The following SRCIN1 variants were observed in gnomAD, a reference collection of about 807,000 sequenced individuals.
SRCIN1 encodes the protein P130Cas-associated protein.
In SRCIN1, 50 loss-of-function variants were observed where a neutral mutation model predicts 116.2. The observed-to-expected ratio is 0.43, with a 90% CI of 0.34 to 0.54. SRCIN1 has a LOEUF of 0.54. SRCIN1 is among the 20% of genes least tolerant of loss of function. The probability of loss-of-function intolerance (pLI) is 0.02; values close to 1 mark genes in which losing one functional copy is unlikely to be tolerated. For missense variants in SRCIN1, 1,446 were observed against 1,672.0 expected, an observed-to-expected ratio of 0.86 and a Z score of 2.36; for synonymous variants, 736 against 750.0, an observed-to-expected ratio of 0.98 and a Z score of 0.30.
Position 38,561,525 on chromosome 17 carries a change from C to A in SRCIN1, c.1638G>T (p.Gly546=). The part of the protein sequence containing the change: ...AGAPPSELFP[G]PGERSLVGFG... Reference sequence around the variant, plus strand: ...ACCCAACCAGCGAGCGTTCCCCAGGCCCAGGGAAGAGCTCCGAAGGGGGAG... The same window carrying A: ...ACCCAACCAGCGAGCGTTCCCCAGGACCAGGGAAGAGCTCCGAAGGGGGAG... Residue 546 remains glycine (G), a synonymous_variant, in exon 7 of 19, where the codon GGG becomes GGT. Transcript: ENST00000617146. 6.3e-7 allele frequency: 1 copy of A among 1,598,776 alleles called. No homozygotes were observed.
intron 18 of SRCIN1, among the ~76,000 whole-genome samples, chr17:38,535,900 G>A (rs942255095): frequency 1.3e-5 from 2 of 152,146 alleles, no homozygotes; most frequent in African/African-American, 2.4e-5. Flanking sequence ...GATCTTTCTA[G>A]GTAAAAGCTG....
At position 38,578,700 on chromosome 17, in the gene SRCIN1, G is replaced by GCCC; in HGVS notation, c.111_113dup (p.Gly38dup). On this transcript the variant is annotated inframe_insertion, in exon 2 of 19. Transcript: ENST00000617146. ...CGTTGGAGAAGCGCCGGCCCCCGCT[G>GCCC]CCCCCGCCGCCCCCGCCCCCCAGGG... The GCCC allele has an allele frequency of 6.5e-7, 1 of 1,532,078 alleles. No homozygotes were observed. Among genetic ancestry groups the GCCC allele is most frequent in the Non-Finnish European group, 8.8e-7 (1 of 1,140,528 alleles). The allele number at this position is 1,532,078 out of a possible 1,614,324, so 94.9% of individuals were successfully genotyped here. A position where few individuals can be genotyped will look rare whatever the true frequency, so the allele number is the denominator to read the frequency against.
At chr17:38,577,924 G>A (rs1567875614) in intron 2 of SRCIN1, among the ~76,000 whole-genome samples, 1 of 152,148 alleles carries the variant, frequency 6.6e-6, no homozygotes, top group Non-Finnish European at 1.5e-5. Context: ...CCAGCTCCAA[G>A]TCACCCAGCA....
At chr17:38,545,688 GT>G (rs1210980528) in intron 17 of SRCIN1, among the ~76,000 whole-genome samples, 1 of 152,184 alleles carries the variant, frequency 6.6e-6, no homozygotes, top group African/African-American at 2.4e-5. Context: ...AAAGGTGCCG[GT>G]TTGGCCAGGG....
Position 38,562,399 on chromosome 17 carries a change from C to A in SRCIN1, c.835-71G>T. On this transcript the variant is annotated intron_variant, in intron 6 of 18. Coordinates refer to ENST00000617146, the MANE Select transcript of SRCIN1 (RefSeq NM_025248.3). The surrounding 1 kb of genome is among the most constrained non-coding windows in gnomAD (Gnocchi z 4.2). Reference sequence around the variant, plus strand: ...ACACCCCTGTCCCTTGCTTGAGGAGCCAGCATCTCCTCCCTGACGCTTAGG... The same window carrying A: ...ACACCCCTGTCCCTTGCTTGAGGAGACAGCATCTCCTCCCTGACGCTTAGG... 1 of 1,369,792 alleles carries A rather than the reference C, an allele frequency of 7.3e-7. No individual in the cohort carries two copies. The highest frequency in any genetic ancestry group is 9.4e-7 in the Non-Finnish European group (1 of 1,062,232). The allele number at this position is 1,369,792 out of a possible 1,614,324, so 84.9% of individuals were successfully genotyped here. A position where few individuals can be genotyped will look rare whatever the true frequency, so the allele number is the denominator to read the frequency against.
intron 2 of SRCIN1, among the ~76,000 whole-genome samples, chr17:38,577,382 A>G (rs1203391454): frequency 6.6e-6 from 1 of 152,204 alleles, no homozygotes; most frequent in Admixed American, 6.5e-5. Flanking sequence ...AGGACTTCAG[A>G]GCTGGGAAAA....
At chr17:38,534,849 CG>C (rs1013112222) in intron 18 of SRCIN1, among the ~76,000 whole-genome samples, 1 of 152,142 alleles carries the variant, frequency 6.6e-6, no homozygotes, top group African/African-American at 2.4e-5. Context: ...AAACAAGGGC[CG>C]GGTGTGGTGG....
At chr17:38,536,280 T>C (rs559692742) in intron 18 of SRCIN1, among the ~76,000 whole-genome samples, 2 of 152,376 alleles carry the variant, frequency 1.3e-5, no homozygotes, top group South Asian at 4.1e-4. Flanking sequence ...GACCCCAGCC[T>C]GTGCTGCTAA....
rs766752460 is a variant in SRCIN1 at position 38,548,720 on chromosome 17, C to A, written c.3118-11G>T. Reference sequence around the variant, plus strand: ...CTCGGACTCAGCCTTCTGCAAGGCCCGGGACTCCTGTCAAGGCCAGGCTCT... The same window carrying A: ...CTCGGACTCAGCCTTCTGCAAGGCCAGGGACTCCTGTCAAGGCCAGGCTCT... On this transcript the variant is annotated splice_polypyrimidine_tract_variant and intron_variant, in intron 16 of 18. Transcript: ENST00000617146. The A allele has an allele frequency of 1.3e-6, 2 of 1,580,142 alleles. No homozygotes were observed. The highest frequency in any genetic ancestry group is 1.3e-5 in the African/African-American group (1 of 74,292).
chr17:38,537,108 G>A (rs1904433204), intron 18 of SRCIN1, among the ~76,000 whole-genome samples: 1 of 152,056 alleles, frequency 6.6e-6, no homozygotes, highest in Non-Finnish European at 1.5e-5. Flanking sequence ...AATCAGGGAG[G>A]TGGAGGTTGC....
intron 10 of SRCIN1, chr17:38,559,363 G>A (rs540334917): frequency 2.1e-5 from 12 of 577,532 alleles, no homozygotes; most frequent in African/African-American, 2.0e-4. Flanking sequence ...ACGGGCGAGG[G>A]ATAAGGCCTT....
At chr17:38,594,921 T>C (rs1908641588) in intron 1 of SRCIN1, among the ~76,000 whole-genome samples, 1 of 152,152 alleles carries the variant, frequency 6.6e-6, no homozygotes, top group African/African-American at 2.4e-5. Context: ...CCTAATGATG[T>C]TGCCCTTAGC....
rs1213490526 is a variant in SRCIN1, at chr17:38,564,297, T to C, written c.362A>G (p.His121Arg). ...YWSFKTRSSR[H>R]TQGAQPGLAD... ...CAGCCCGGGCTGGGCTCCCTGAGTGTGGCGTGAGCTGCGGGTCTGCAGGGG... is the reference window on the plus strand; with the variant it reads ...CAGCCCGGGCTGGGCTCCCTGAGTGCGGCGTGAGCTGCGGGTCTGCAGGGG... The change falls in exon 4 of 19, where the codon CAC (histidine) becomes CGC (arginine). Residue 121 changes from histidine (H) to arginine (R), a missense_variant. By Grantham distance (29) the His-to-Arg change is conservative. This residue lies in a region of SRCIN1 where 246 missense variants were observed against 265.1 expected (regional missense o/e 0.93). Transcript: ENST00000617146. 1 of 1,558,374 alleles carries C rather than the reference T, an allele frequency of 6.4e-7. No individual in the cohort carries two copies. The highest frequency in any genetic ancestry group is 8.6e-7 in the Non-Finnish European group (1 of 1,156,786).
At chr17:38,594,028 G>A (rs1908581930) in intron 1 of SRCIN1, among the ~76,000 whole-genome samples, 1 of 152,230 alleles carries the variant, frequency 6.6e-6, no homozygotes, top group African/African-American at 2.4e-5. Context: ...ATCACTGGGG[G>A]TATTCCAGAA....
chr17:38,562,697 C>T lies in SRCIN1; in HGVS notation c.834+130G>A, dbSNP rs1330447792. The stretch of plus-strand genomic sequence containing the variant: ...GTGGCAGGTGGGACAGGGGCTCTTC[C>T]CTAACCCCTCAGCCCCTATGCTGTC... On this transcript the variant is annotated intron_variant, in intron 6 of 18. Coordinates refer to ENST00000617146, the MANE Select transcript of SRCIN1 (RefSeq NM_025248.3). This position sits in a 1 kb window ranked among gnomAD's most constrained non-coding sequence, Gnocchi z 4.2. The T allele has an allele frequency of 1.1e-5, 9 of 800,644 alleles. No individual in the cohort carries two copies. Among genetic ancestry groups the T allele is most frequent in the African/African-American group, 1.8e-5 (1 of 56,312 alleles). The allele number at this position is 800,644 out of a possible 1,614,324, so 49.6% of individuals were successfully genotyped here. A position where few individuals can be genotyped will look rare whatever the true frequency, so the allele number is the denominator to read the frequency against.
chr17:38,548,401 G>T (rs576274631), intron 17 of SRCIN1, among the ~76,000 whole-genome samples, 156 bp downstream of exon 17: 3 of 152,178 alleles, frequency 2.0e-5, no homozygotes, highest in African/African-American at 7.2e-5. Flanking sequence ...CAGTGGAGAA[G>T]AAATGGAGGC....
chr17:38,586,136 TAA>T (rs972711766), intron 1 of SRCIN1, among the ~76,000 whole-genome samples: 3 of 151,832 alleles, frequency 2.0e-5, no homozygotes, highest in Non-Finnish European at 4.4e-5. Flanking sequence ...GGCTAGAAAA[TAA>T]AGACTCCTGG....
chr17:38,604,075 C>T lies in SRCIN1; in HGVS notation c.22+1609G>A, dbSNP rs1346862140. On this transcript the variant is annotated intron_variant, in intron 1 of 18. Transcript: ENST00000617146. The surrounding 1 kb of genome is among the most constrained non-coding windows in gnomAD (Gnocchi z 4.3). ...TGCATCATCAATTTTTAAAGATCAA[C>T]AAGAGGGAAAGGGATGGGAATAAGA... Among the ~76,000 whole-genome samples the T allele has an allele frequency of 6.6e-6, 1 of 152,120 alleles. No individual in the cohort carries two copies. Among genetic ancestry groups the T allele is most frequent in the East Asian group, 1.9e-4 (1 of 5,196 alleles).
rs2471623 is a variant in SRCIN1 at position 38,552,831 on chromosome 17, C to T, written c.2226G>A (p.Lys742=). ...GGTTGTGGGACACGTCTCTCTGGAT[C>T]TTCTCCACCGATTTCTCCAGGTCAC... ...QLNDLEKSVE[K]IQRDVSHNHR... Residue 742 remains lysine (K), a synonymous_variant, in exon 12 of 19, where the codon AAG becomes AAA. Transcript: ENST00000617146. The surrounding 1 kb of genome is among the most constrained non-coding windows in gnomAD (Gnocchi z 5.3). 6,145 of 1,613,980 alleles carry T rather than the reference C, an allele frequency of 3.8e-3. 195 individuals carry two copies. In the African/African-American group the frequency reaches 0.069, roughly 18 times the overall value.
Sources: allele counts gnomAD v4.1 joint callset (sites outside exome capture counted in the v4.1 genomes callset), GRCh38; gene constraint gnomAD v4.1.1; regional missense constraint gnomAD v4.1.1; non-coding constraint Gnocchi (gnomAD v3.1); transcripts MANE v1.5; gene names NCBI Gene and HGNC (gene_info 2026-07-23, HGNC 2026-07-21).